USP31: variants seen among roughly 807,000 people sequenced by gnomAD.
The protein encoded by USP31 is ubiquitin carboxyl-terminal hydrolase 31.
Under a neutral mutation model 119.4 loss-of-function variants are expected in USP31, and 44 were observed. The ratio of observed to expected loss-of-function variants is 0.37; its 90% CI spans 0.29 to 0.47. USP31 has a LOEUF of 0.47. Among genes scored for constraint, USP31 ranks in the 20% least tolerant of loss-of-function variants. The probability of loss-of-function intolerance (pLI) is 0.99; values close to 1 mark genes in which losing one functional copy is unlikely to be tolerated. For synonymous variants in USP31, 749 were observed against 705.6 expected, an observed-to-expected ratio of 1.06 and a Z score of -0.97; for missense variants, 1,643 against 1,730.2, an observed-to-expected ratio of 0.95 and a Z score of 0.89.
At chr16:23,073,908 CAGGGGAGGCTGCA>C in intron 13 of USP31, 28 bp from the exon 14 acceptor site, 1 of 1,612,848 alleles carries the variant, frequency 6.2e-7, no homozygotes. Flanking sequence ...CCATCAGCAC[CAGGGGAGGCTGCA>C]CCAGCCACTT....
At chr16:23,087,282 C>T in intron 8 of USP31, 96 bp from the exon 9 acceptor site, 1 of 1,021,200 alleles carries the variant, frequency 9.8e-7, no homozygotes, top group Non-Finnish European at 1.5e-6. Flanking sequence ...TTACAGTAAA[C>T]TGTTTATTCT....
chr16:23,076,591 T>C (rs541725383), intron 13 of USP31, among the ~76,000 whole-genome samples: 1 of 152,284 alleles, frequency 6.6e-6, no homozygotes, highest in South Asian at 2.1e-4. Context: ...TAACCCAAGC[T>C]CCTTCCACCA....
chr16:23,120,764 C>T (rs1361214427), intron 1 of USP31, among the ~76,000 whole-genome samples: 2 of 152,210 alleles, frequency 1.3e-5, no homozygotes, highest in Non-Finnish European at 2.9e-5. Flanking sequence ...AATCAATGTT[C>T]TTCGCTGAGT....
chr16:23,101,290 T>C (rs984594168), intron 6 of USP31, among the ~76,000 whole-genome samples: 1 of 152,204 alleles, frequency 6.6e-6, no homozygotes, highest in Non-Finnish European at 1.5e-5. Flanking sequence ...GTTATCAAGC[T>C]TGGATCCAGT....
intron 14 of USP31, 77 bp downstream of exon 14, chr16:23,073,645 C>T: frequency 6.5e-7 from 1 of 1,528,490 alleles, no homozygotes; most frequent in African/African-American, 1.4e-5. Context: ...ATGAGAGCCT[C>T]CAGAGAGGTC....
chr16:23,110,994 G>C (rs1411674001), intron 1 of USP31, among the ~76,000 whole-genome samples: 3 of 152,120 alleles, frequency 2.0e-5, no homozygotes, highest in Non-Finnish European at 4.4e-5. Flanking sequence ...CAGGCGTGGT[G>C]GTGGGCGCCT....
chr16:23,148,599 C>T, intron 1 of USP31, 39 bp downstream of exon 1: 3 of 1,422,514 alleles, frequency 2.1e-6, no homozygotes, highest in Non-Finnish European at 2.7e-6. Flanking sequence ...GCCCCAGGGG[C>T]TCGGGGTGCA....
At chr16:23,114,101 A>G (rs1183704878) in intron 1 of USP31, among the ~76,000 whole-genome samples, 1 of 150,878 alleles carries the variant, frequency 6.6e-6, no homozygotes, top group African/African-American at 2.5e-5. Flanking sequence ...CAAGACCCTT[A>G]CTCAAAAAAA....
In USP31 at chr16:23,085,677, A is replaced by G; in HGVS notation, c.1623-15T>C. ...ATTTTAATGCCCTATAGAACCAGGG[A>G]AGTGGAGAGGGAAGCCACATATTAT... On this transcript the variant is annotated splice_polypyrimidine_tract_variant and intron_variant, in intron 9 of 15. Transcript: ENST00000219689. 6.2e-7 allele frequency: 1 copy of G among 1,602,370 alleles called. No homozygotes were observed. The highest frequency in any genetic ancestry group is 1.1e-5 in the South Asian group (1 of 89,912).
chr16:23,110,731 A>C (rs1468001336), intron 1 of USP31, among the ~76,000 whole-genome samples: 2 of 152,150 alleles, frequency 1.3e-5, no homozygotes, highest in Non-Finnish European at 2.9e-5. Context: ...GATAATAATG[A>C]CTCAGTGTGA....
chr16:23,128,825 G>A (rs1902944510), intron 1 of USP31, among the ~76,000 whole-genome samples: 1 of 152,222 alleles, frequency 6.6e-6, no homozygotes, highest in African/African-American at 2.4e-5. Flanking sequence ...TCAAACTTGA[G>A]TCTCTAAACC....
Position 23,072,104 on chromosome 16 carries a change from G to A in USP31, c.2429C>T (p.Thr810Ile). 2 of 1,613,670 alleles carry A rather than the reference G, an allele frequency of 1.2e-6. No homozygotes were observed. Among genetic ancestry groups the A allele is most frequent in the Admixed American group, 1.7e-5 (1 of 60,026 alleles). Residue 810 changes from threonine to isoleucine, a missense_variant, in exon 15 of 16, where the codon ACC becomes ATC. By Grantham distance (89) the Thr-to-Ile change is moderately conservative (BLOSUM62 -1). Coordinates refer to ENST00000219689, the MANE Select transcript of USP31 (RefSeq NM_020718.4). Reference protein sequence around the residue: ...SVTSAASSRRTSLASLSESVE... With the variant: ...SVTSAASSRRISLASLSESVE... ...GGACTCAGAGAGCGACGCCAGGGAG[G>A]TGCGTCTGGAGGAAGCTGCAGAGGT...
chr16:23,068,161 T>G lies in USP31; in HGVS notation c.3944A>C (p.Gln1315Pro), dbSNP rs1900164216. Residue 1315 changes from glutamine (Q) to proline (P), a missense_variant, in exon 16 of 16, where the codon CAA becomes CCA. Coordinates refer to ENST00000219689, the MANE Select transcript of USP31 (RefSeq NM_020718.4). ...AGACGAGGGAACTCCAGAGTCTAGTTGGGAAGACTTGGATTTGCGAGCGGA... is the reference window on the plus strand; with the variant it reads ...AGACGAGGGAACTCCAGAGTCTAGTGGGGAAGACTTGGATTTGCGAGCGGA... Reference protein sequence around the residue: ...LLSARKSKSSQLDSGVPSSPG... With the variant: ...LLSARKSKSSPLDSGVPSSPG... 6.2e-7 allele frequency: 1 copy of G among 1,614,044 alleles called. No homozygotes were observed. The highest frequency in any genetic ancestry group is 1.3e-5 in the African/African-American group (1 of 74,904).
At chr16:23,094,961 G>A (rs914426334) in intron 6 of USP31, among the ~76,000 whole-genome samples, 2 of 152,182 alleles carry the variant, frequency 1.3e-5, no homozygotes, top group African/African-American at 2.4e-5. Flanking sequence ...TCCAAGGATC[G>A]CAGTTCCTCG....
chr16:23,111,679 C>A (rs1456956563), intron 1 of USP31, among the ~76,000 whole-genome samples: 3 of 151,878 alleles, frequency 2.0e-5, no homozygotes, highest in Non-Finnish European at 4.4e-5. Context: ...AGAGACTGAG[C>A]CAGAGGACAG....
intron 11 of USP31, among the ~76,000 whole-genome samples, chr16:23,084,449 C>T (rs1222147327): frequency 6.6e-6 from 1 of 152,144 alleles, no homozygotes; most frequent in East Asian, 1.9e-4. Flanking sequence ...ATTTACTTCA[C>T]TTAATTTTAA....
intron 15 of USP31, among the ~76,000 whole-genome samples, chr16:23,069,958 C>T (rs990804333): frequency 8.5e-5 from 13 of 152,230 alleles, no homozygotes; most frequent in Non-Finnish European, 8.8e-5. Flanking sequence ...TCTGTCACTG[C>T]TGCATGAAAG....
At chr16:23,118,154 A>G (rs1233692707) in intron 1 of USP31, among the ~76,000 whole-genome samples, 3 of 152,174 alleles carry the variant, frequency 2.0e-5, no homozygotes, top group Admixed American at 2.0e-4. Flanking sequence ...CAAAATGGGA[A>G]TGGTGATAGG....
At position 23,069,233 on chromosome 16, in the gene USP31, A is replaced by G; in HGVS notation, c.2872T>C (p.Leu958=). 6.2e-7 allele frequency: 1 copy of G among 1,614,168 alleles called. No homozygotes were observed. ...TGTGTATCTACGACACTGGAGTTCA[A>G]TCTGCGGGTGTCCGATTCGTCTTTG... ...VFKDESDTRR[L]NSSVVDTQSK... Residue 958 remains leucine (L), a synonymous_variant, in exon 16 of 16, where the codon TTG becomes CTG. Transcript: ENST00000219689.
Sources: allele counts gnomAD v4.1 joint callset (sites outside exome capture counted in the v4.1 genomes callset), GRCh38; gene constraint gnomAD v4.1.1; transcripts MANE v1.5; gene names NCBI Gene and HGNC (gene_info 2026-07-23, HGNC 2026-07-21).